The following PCSK5 variants were observed in gnomAD, a reference collection of about 807,000 sequenced individuals.
PCSK5 encodes prohormone convertase 5.
Under a neutral mutation model 233.2 loss-of-function variants are expected in PCSK5, and 129 were observed. The ratio of observed to expected loss-of-function variants is 0.55; its 90% CI spans 0.48 to 0.64. The LOEUF is 0.64. PCSK5 is among the 30% of genes least tolerant of loss of function. The probability of loss-of-function intolerance (pLI) is 0.00; values close to 1 mark genes in which losing one functional copy is unlikely to be tolerated. For synonymous variants in PCSK5, 825 were observed against 879.2 expected, an observed-to-expected ratio of 0.94 and a Z score of 1.09; for missense variants, 2,076 against 2,430.1, an observed-to-expected ratio of 0.85 and a Z score of 3.06.
rs536308895 is a variant in PCSK5, at chr9:75,891,469, G to A, written c.192+96G>A. ...AACCCCCTCCCCCTCTTCCAGATGT[G>A]CTCTAGCAGCTGTTGCCCTAACTCT... On this transcript the variant is annotated intron_variant, in intron 1 of 37. Transcript: ENST00000674117. 31 of 1,015,094 alleles carry A rather than the reference G, an allele frequency of 3.1e-5. 1 individual carries two copies. In the South Asian group the frequency reaches 4.5e-4, roughly 15 times the overall value. 62.9% of individuals were successfully genotyped at this position (1,015,094 alleles called of 1,614,324 possible). A position where few individuals can be genotyped will look rare whatever the true frequency, so the allele number is the denominator to read the frequency against.
chr9:75,919,788 A>G (rs1564081803), intron 1 of PCSK5, among the ~76,000 whole-genome samples: 1 of 152,146 alleles, frequency 6.6e-6, no homozygotes, highest in African/African-American at 2.4e-5. Flanking sequence ...CTCTTCCCCT[A>G]GTCTGGGCCC....
chr9:76,296,844 G>A lies in PCSK5; in HGVS notation c.3502G>A (p.Glu1168Lys), dbSNP rs1488813880. The A allele has an allele frequency of 1.2e-6, 2 of 1,610,894 alleles. No homozygotes were observed. Among genetic ancestry groups the A allele is most frequent in the Admixed American group, 1.7e-5 (1 of 59,728 alleles). ...GMCVHATKTQ[E>K]EGKFWNEAVS... ...GTGCGTGCATGCCACCAAGACCCAG[G>A]AGGAGGGCAAATTCTGGAATGGTAT... The change falls in exon 27 of 38, where the codon GAG becomes AAG. Residue 1168 changes from glutamate to lysine, a missense_variant. Physicochemically the swap from Glu to Lys is moderately conservative, Grantham distance 56. Coordinates refer to ENST00000674117, the MANE Select transcript of PCSK5 (RefSeq NM_001372043.1).
intron 1 of PCSK5, among the ~76,000 whole-genome samples, chr9:75,897,264 C>T (rs1320966317): frequency 6.6e-6 from 1 of 151,904 alleles, no homozygotes; most frequent in Non-Finnish European, 1.5e-5. Flanking sequence ...TTGTGATTGT[C>T]CCTGGGGATA....
intron 20 of PCSK5, among the ~76,000 whole-genome samples, chr9:76,224,801 AT>A (rs557376591): frequency 9.1e-4 from 139 of 152,368 alleles, no homozygotes; most frequent in Middle Eastern, 3.4e-3. Context: ...ATGAAAGCCA[AT>A]GAGAAGGCAA....
chr9:76,148,530 GCCCTCTCTATGT>G (rs2131791823), intron 10 of PCSK5, among the ~76,000 whole-genome samples: 1 of 152,018 alleles, frequency 6.6e-6, no homozygotes, highest in South Asian at 2.1e-4. Flanking sequence ...TCTGCACAAG[GCCCTCTCTATGT>G]CATTTACAGC....
intron 12 of PCSK5, among the ~76,000 whole-genome samples, chr9:76,161,561 C>A (rs575121858): frequency 6.6e-6 from 1 of 150,890 alleles, no homozygotes; most frequent in Non-Finnish European, 1.5e-5. Context: ...CCCCCGAGCC[C>A]CCTTCCTTGT....
At chr9:75,920,259 G>T (rs893638228) in intron 1 of PCSK5, among the ~76,000 whole-genome samples, 1 of 152,106 alleles carries the variant, frequency 6.6e-6, no homozygotes, top group Non-Finnish European at 1.5e-5. Context: ...AGGGTCATAA[G>T]CTGTCCCAAG....
At chr9:76,189,956 G>A (rs898391577) in intron 20 of PCSK5, among the ~76,000 whole-genome samples, 2 of 152,146 alleles carry the variant, frequency 1.3e-5, no homozygotes, top group Non-Finnish European at 2.9e-5. Flanking sequence ...AGTGGCACTG[G>A]CCAATATGGC....
At chr9:76,340,062 A>G (rs1053883625) in intron 35 of PCSK5, among the ~76,000 whole-genome samples, 13 of 152,012 alleles carry the variant, frequency 8.6e-5, no homozygotes, top group Non-Finnish European at 1.6e-4. Flanking sequence ...CATCTCCTCC[A>G]TGAAGCTTTT....
chr9:75,896,008 T>G (rs1825786164), intron 1 of PCSK5, among the ~76,000 whole-genome samples: 1 of 152,134 alleles, frequency 6.6e-6, no homozygotes, highest in Non-Finnish European at 1.5e-5. Flanking sequence ...CCTAATAAAT[T>G]CTTAGGCATT....
chr9:75,911,837 C>G (rs1822752526), intron 1 of PCSK5, among the ~76,000 whole-genome samples: 1 of 152,150 alleles, frequency 6.6e-6, no homozygotes, highest in Admixed American at 6.5e-5. Flanking sequence ...AGAGTAGTCT[C>G]AATGTGCAAA....
At chr9:76,212,712 T>C (rs2131288094) in intron 20 of PCSK5, among the ~76,000 whole-genome samples, 1 of 152,344 alleles carries the variant, frequency 6.6e-6, no homozygotes, top group Non-Finnish European at 1.5e-5. Context: ...CATAATGACA[T>C]TTATTCACCA....
intron 21 of PCSK5, 83 bp downstream of exon 21, chr9:76,227,688 C>G: frequency 1.2e-6 from 1 of 822,786 alleles, no homozygotes. Flanking sequence ...ATCTTAGCAG[C>G]ACCTCATGGG....
chr9:76,136,595 G>A (rs1309763398), intron 10 of PCSK5, among the ~76,000 whole-genome samples: 1 of 151,922 alleles, frequency 6.6e-6, no homozygotes, highest in Non-Finnish European at 1.5e-5. Flanking sequence ...GCCCTTCTTT[G>A]TCCCACCCAA....
intron 27 of PCSK5, among the ~76,000 whole-genome samples, chr9:76,297,805 G>A (rs1427715549): frequency 2.0e-5 from 3 of 152,174 alleles, no homozygotes; most frequent in Non-Finnish European, 4.4e-5. Flanking sequence ...AAGGGCTCGA[G>A]GGAGTGACAG....
At chr9:76,189,539 A>G in intron 19 of PCSK5, 92 bp from the exon 20 acceptor site, 1 of 783,902 alleles carries the variant, frequency 1.3e-6, no homozygotes, top group South Asian at 1.6e-5. Context: ...TCAGAGGGAT[A>G]ATTAAATGTA....
At chr9:76,194,124 T>C (rs573540198) in intron 20 of PCSK5, 1 of 152,446 alleles carries the variant, frequency 6.6e-6, no homozygotes, top group South Asian at 2.1e-4. Flanking sequence ...GATGGACAGA[T>C]GGACAGAATG....
intron 35 of PCSK5, among the ~76,000 whole-genome samples, chr9:76,343,399 C>T (rs1400144956): frequency 2.0e-5 from 3 of 150,164 alleles, no homozygotes; most frequent in African/African-American, 7.4e-5. Flanking sequence ...GATGGGGTTT[C>T]ACCATGTTGG....
chr9:76,269,845 G>A (rs983638864), intron 24 of PCSK5, among the ~76,000 whole-genome samples: 1 of 152,186 alleles, frequency 6.6e-6, no homozygotes, highest in Non-Finnish European at 1.5e-5. Flanking sequence ...TAGAGCAATA[G>A]GCCAAGGCTC....
Sources: gnomAD v4.1 joint callset for allele counts (sites outside exome capture counted in the v4.1 genomes callset) on GRCh38, gnomAD v4.1.1 for gene constraint, MANE v1.5 for transcripts, NCBI Gene and HGNC (gene_info 2026-07-23, HGNC 2026-07-21) for gene names.